The following ULK4 variants were observed in gnomAD, a reference collection of about 807,000 sequenced individuals.
ULK4 encodes unc-51 like kinase 4.
In ULK4, 133 loss-of-function variants were observed where a neutral mutation model predicts 160.6. That is an observed-to-expected ratio of 0.83 (90% confidence interval 0.72 to 0.96). The LOEUF (loss-of-function observed/expected upper bound fraction) is 0.96, where lower values mean the gene tolerates loss of function less well. Among genes scored for constraint, ULK4 ranks in the 40% least tolerant of loss-of-function variants. ULK4 has a pLI of 0.00. For missense variants in ULK4, 1,580 were observed against 1,499.5 expected (o/e 1.05, Z -0.89); for synonymous variants, 534 against 539.8 (o/e 0.99, Z 0.15).
At position 41,931,926 on chromosome 3, in the gene ULK4, G is replaced by T. The variant is rs747601419; in HGVS notation, c.459C>A (p.Phe153Leu). The T allele has an allele frequency of 1.9e-6, 3 of 1,613,990 alleles. No homozygotes were observed. Among genetic ancestry groups the T allele is most frequent in the East Asian group, 2.2e-5 (1 of 44,868 alleles). Residue 153 changes from phenylalanine to leucine, a missense_variant, in exon 5 of 37, where the codon TTC becomes TTA. By Grantham distance (22) the Phe-to-Leu change is conservative (BLOSUM62 0). Coordinates refer to ENST00000301831, the MANE Select transcript of ULK4 (RefSeq NM_017886.4). ...AKVEGENLEE[F>L]FALVAAEEGG... ...CTTCCTCTGCTGCCACCAAAGCAAA[G>T]AACTCTTCCAAATTTTCACCTTCCA...
intron 12 of ULK4, among the ~76,000 whole-genome samples, chr3:41,903,769 A>T (rs1325032013): frequency 6.6e-6 from 1 of 152,210 alleles, no homozygotes; most frequent in African/African-American, 2.4e-5. Flanking sequence ...CAATAATTGC[A>T]ATCAGATCAT....
At chr3:41,575,452 C>G (rs541564371) in intron 31 of ULK4, among the ~76,000 whole-genome samples, 2 of 152,214 alleles carry the variant, frequency 1.3e-5, no homozygotes, top group South Asian at 4.1e-4. Flanking sequence ...TTTTTCTCCC[C>G]TCGGTAGCCA....
At chr3:41,313,552 G>C (rs772264264) in intron 35 of ULK4, among the ~76,000 whole-genome samples, 4 of 151,888 alleles carry the variant, frequency 2.6e-5, no homozygotes, top group Non-Finnish European at 4.4e-5. Context: ...TTATTCCTCT[G>C]TCTTCTTTGG....
intron 30 of ULK4, among the ~76,000 whole-genome samples, chr3:41,655,159 G>A (rs899424039): frequency 2.0e-5 from 3 of 151,630 alleles, no homozygotes; most frequent in African/African-American, 4.8e-5. Flanking sequence ...AAAAAAAATC[G>A]TTTAAATTAT....
At chr3:41,331,733 G>A (rs9311268) in intron 35 of ULK4, among the ~76,000 whole-genome samples, 81,221 of 151,986 alleles carry the variant, frequency 0.53, 23,194 homozygotes, top group African/African-American at 0.75. Flanking sequence ...GTTTTGAGAC[G>A]AATTTCTTAG....
intron 31 of ULK4, among the ~76,000 whole-genome samples, chr3:41,606,850 C>G (rs1300147978): frequency 6.6e-6 from 1 of 152,068 alleles, no homozygotes; most frequent in African/African-American, 2.4e-5. Flanking sequence ...CTCGTACATT[C>G]TGGACATTAG....
chr3:41,538,511 A>G (rs994369356), intron 32 of ULK4, among the ~76,000 whole-genome samples: 1 of 152,146 alleles, frequency 6.6e-6, no homozygotes, highest in Non-Finnish European at 1.5e-5. Flanking sequence ...TAGCATCACT[A>G]GTGGCATTTC....
chr3:41,736,812 T>C (rs933430684), intron 22 of ULK4, among the ~76,000 whole-genome samples: 13 of 151,620 alleles, frequency 8.6e-5, no homozygotes, highest in Non-Finnish European at 1.8e-4. Context: ...CTTCTAGGGT[T>C]TTTATGGTTT....
chr3:41,627,924 T>G (rs1464958508), intron 30 of ULK4, among the ~76,000 whole-genome samples: 1 of 152,024 alleles, frequency 6.6e-6, no homozygotes, highest in Non-Finnish European at 1.5e-5. Flanking sequence ...CAGGAGAGCA[T>G]TGTAAAAGGT....
intron 11 of ULK4, among the ~76,000 whole-genome samples, chr3:41,909,487 A>C (rs1455234382): frequency 6.6e-6 from 1 of 152,138 alleles, no homozygotes; most frequent in Non-Finnish European, 1.5e-5. Context: ...CAAGACAGGC[A>C]GATCACCTGA....
At chr3:41,324,658 G>A (rs2080308180) in intron 35 of ULK4, among the ~76,000 whole-genome samples, 1 of 152,142 alleles carries the variant, frequency 6.6e-6, no homozygotes, top group Non-Finnish European at 1.5e-5. Context: ...GAAGGACAGA[G>A]GGGGTTTGAA....
chr3:41,626,966 T>C (rs2033544439), intron 30 of ULK4, among the ~76,000 whole-genome samples: 1 of 152,180 alleles, frequency 6.6e-6, no homozygotes, highest in Non-Finnish European at 1.5e-5. Context: ...TCTGATAATA[T>C]TTAGATATAA....
rs1053389449 is a variant in ULK4 at position 41,629,671 on chromosome 3, G to C, written c.3072-13954C>G. On this transcript the variant is annotated intron_variant, in intron 30 of 36. Coordinates refer to ENST00000301831, the MANE Select transcript of ULK4 (RefSeq NM_017886.4). ...TAAAATATGATCTACTACAGTATGA[G>C]TCTGCAACAAATAGAAAAATTTAAA... Among the ~76,000 whole-genome samples, 7 of 152,184 alleles carry C rather than the reference G, an allele frequency of 4.6e-5. No individual in the cohort carries two copies. The East Asian group carries it at 7.7e-4, about 17-fold the overall frequency.
chr3:41,355,608 T>C (rs1183578350), intron 35 of ULK4, among the ~76,000 whole-genome samples: 1 of 152,250 alleles, frequency 6.6e-6, no homozygotes, highest in Non-Finnish European at 1.5e-5. Context: ...TCAGCACTCA[T>C]GTTTTATGCA....
chr3:41,765,845 TGAACAGTCCA>T (rs1189023772), intron 21 of ULK4, among the ~76,000 whole-genome samples: 8 of 152,166 alleles, frequency 5.3e-5, no homozygotes, highest in Non-Finnish European at 7.3e-5. Flanking sequence ...AAAGTATGTA[TGAACAGTCCA>T]GTAAAACAAC....
intron 18 of ULK4, among the ~76,000 whole-genome samples, chr3:41,825,866 T>A (rs547100413): frequency 6.6e-6 from 1 of 152,090 alleles, no homozygotes; most frequent in Non-Finnish European, 1.5e-5. Context: ...GTCAGATTCA[T>A]GAAAGTTGAA....
At chr3:41,658,850 T>C (rs1246408326) in intron 30 of ULK4, among the ~76,000 whole-genome samples, 3 of 151,964 alleles carry the variant, frequency 2.0e-5, no homozygotes, top group Non-Finnish European at 4.4e-5. Flanking sequence ...TGTTATGTAT[T>C]AACTCTGAAA....
intron 35 of ULK4, among the ~76,000 whole-genome samples, chr3:41,387,891 T>C (rs1358549043): frequency 6.6e-6 from 1 of 152,216 alleles, no homozygotes; most frequent in Non-Finnish European, 1.5e-5. Context: ...ATATACCCAG[T>C]AATGGGATGG....
chr3:41,440,520 G>A (rs1218126170), intron 34 of ULK4, among the ~76,000 whole-genome samples: 1 of 151,958 alleles, frequency 6.6e-6, no homozygotes, highest in Non-Finnish European at 1.5e-5. Flanking sequence ...TCTTGGCCAT[G>A]GTATATTTAT....
Sources: allele counts gnomAD v4.1 joint callset (sites outside exome capture counted in the v4.1 genomes callset), GRCh38; gene constraint gnomAD v4.1.1; transcripts MANE v1.5; gene names NCBI Gene and HGNC (gene_info 2026-07-23, HGNC 2026-07-21).